COQ6: variants seen among roughly 807,000 people sequenced by gnomAD.
The protein encoded by COQ6 is coenzyme Q6, monooxygenase.
COQ6 carries 45 observed loss-of-function variants against 55.5 expected under a neutral mutation model. The ratio of observed to expected loss-of-function variants is 0.81; its 90% CI spans 0.64 to 1.04. COQ6 has a LOEUF of 1.04. COQ6 is among the 50% of genes least tolerant of loss of function. The pLI is 0.00. For missense variants in COQ6, 550 were observed against 601.3 expected (o/e 0.91, Z 0.89); for synonymous variants, 206 against 230.5 (o/e 0.89, Z 0.96).
chr14:73,963,143 G>A lies in COQ6; in HGVS notation c.*144G>A. On this transcript the variant is annotated 3_prime_UTR_variant, in exon 12 of 12. Transcript: ENST00000334571. ...TTTTTCTTCTTTGCTTAATGGGCCT[G>A]TGGCACCCAAATAATGAATGATAAT... 1 of 760,370 alleles carries A rather than the reference G, an allele frequency of 1.3e-6. No individual in the cohort carries two copies. Among genetic ancestry groups the A allele is most frequent in the Non-Finnish European group, 2.3e-6 (1 of 432,264 alleles). The allele number at this position is 760,370 out of a possible 1,614,324, so 47.1% of individuals were successfully genotyped here.
At chr14:73,953,803 A>G (rs1354635720) in intron 2 of COQ6, 4 of 596,676 alleles carry the variant, frequency 6.7e-6, no homozygotes, top group African/African-American at 3.7e-5. Context: ...TGGGTCCATC[A>G]TGTTGACTTC....
chr14:73,963,381 A>G lies in COQ6; in HGVS notation c.*382A>G. 3.0e-6 allele frequency: 1 copy of G among 334,926 alleles called. No individual in the cohort carries two copies. The highest frequency in any genetic ancestry group is 5.4e-6 in the Non-Finnish European group (1 of 185,374). The allele number at this position is 334,926 out of a possible 1,614,324, so 20.7% of individuals were successfully genotyped here. A position where few individuals can be genotyped will look rare whatever the true frequency, so the allele number is the denominator to read the frequency against. ...ACAGTTGTTTTTTGATAGAGGTAAG[A>G]ATTAGACTCGATGCATTTTTGTTAG... On this transcript the variant is annotated 3_prime_UTR_variant, in exon 12 of 12. Coordinates refer to ENST00000334571, the MANE Select transcript of COQ6 (RefSeq NM_182476.3).
At chr14:73,956,016 G>A (rs769757330) in intron 4 of COQ6, 88 bp downstream of exon 4, 2 of 1,579,330 alleles carry the variant, frequency 1.3e-6, no homozygotes, top group South Asian at 2.2e-5. Flanking sequence ...ACAATATTCA[G>A]TGTCCACCAT....
At position 73,963,273 on chromosome 14, in the gene COQ6, GCTGTCT is replaced by G; in HGVS notation, c.*276_*281del. The G allele has an allele frequency of 1.8e-6, 1 of 541,024 alleles. No individual in the cohort carries two copies. Among genetic ancestry groups the G allele is most frequent in the Non-Finnish European group, 3.2e-6 (1 of 308,160 alleles). 33.5% of individuals were successfully genotyped at this position (541,024 alleles called of 1,614,324 possible). On this transcript the variant is annotated 3_prime_UTR_variant, in exon 12 of 12. Coordinates refer to ENST00000334571, the MANE Select transcript of COQ6 (RefSeq NM_182476.3). ...TTTATTACTAAAAAACCCACAAGGT[GCTGTCT>G]CACTCATTTCCAGTTAATCATTTCT...
In COQ6 at chr14:73,961,328, G is replaced by A. The variant is rs756757135; in HGVS notation, c.1047G>A (p.Gly349=). 2.5e-6 allele frequency: 4 copies of A among 1,614,200 alleles called. No homozygotes were observed. The highest frequency in any genetic ancestry group is 3.4e-6 in the Non-Finnish European group (4 of 1,180,036). The change falls in exon 9 of 12, where the codon GGG becomes GGA. Residue 349 remains glycine (G), a synonymous_variant. Transcript: ENST00000334571. ...AAAGCCGAGTTCTGTTTCCTCTTGG[G>A]TTGGGACATGCTGCTGAGTACGTCA... ...DAKSRVLFPL[G]LGHAAEYVRP... is the part of the protein sequence containing the mutation.
upstream of COQ6, chr14:73,950,133 G>C: frequency 6.3e-7 from 1 of 1,598,316 alleles, no homozygotes; most frequent in Non-Finnish European, 8.5e-7. Context: ...TTTGGCGTCT[G>C]GTTGGCTTCC....
intron 1 of COQ6, among the ~76,000 whole-genome samples, chr14:73,953,156 AG>A (rs2056266624): frequency 1.3e-5 from 2 of 152,078 alleles, no homozygotes; most frequent in Non-Finnish European, 2.9e-5. Flanking sequence ...TTTCCTTTCT[AG>A]GGCATTCTGT....
At position 73,953,833 on chromosome 14, in the gene COQ6, T is replaced by C. The variant is rs1594788496; in HGVS notation, c.298+264T>C. ...GACTTCACTTGTGATGTTGTGTCAT[T>C]ATGAATTGGTGGAACTGAAATCATA... On this transcript the variant is annotated intron_variant, in intron 2 of 11. Transcript: ENST00000334571. 10 of 551,674 alleles carry C rather than the reference T, an allele frequency of 1.8e-5. No homozygotes were observed. In the South Asian group the frequency reaches 2.0e-4, roughly 11 times the overall value. The allele number at this position is 551,674 out of a possible 1,614,324, so 34.2% of individuals were successfully genotyped here.
At position 73,961,262 on chromosome 14, in the gene COQ6, G is replaced by T. The variant is rs372375956; in HGVS notation, c.981G>T (p.Ser327=). Residue 327 remains serine, a synonymous_variant, in exon 9 of 12, where the codon TCG becomes TCT. Coordinates refer to ENST00000334571, the MANE Select transcript of COQ6 (RefSeq NM_182476.3). ...AVSLLKPTKV[S]ARQLPPSVAR... is the part of the protein sequence containing the mutation. Reference sequence around the variant, plus strand: ...GCCTTCTGAAGCCCACTAAGGTCTCGGCTCGCCAGCTGCCCCCAAGCGTAG... The same window carrying T: ...GCCTTCTGAAGCCCACTAAGGTCTCTGCTCGCCAGCTGCCCCCAAGCGTAG... The T allele has an allele frequency of 6.2e-7, 1 of 1,614,130 alleles. No homozygotes were observed. The highest frequency in any genetic ancestry group is 8.5e-7 in the Non-Finnish European group (1 of 1,180,018).
chr14:73,957,212 C>T (rs1391890629), intron 4 of COQ6, among the ~76,000 whole-genome samples: 1 of 152,028 alleles, frequency 6.6e-6, no homozygotes, highest in Admixed American at 6.6e-5. Context: ...ATTCTCCTGC[C>T]TCAGCCTCTG....
chr14:73,961,163 TG>T lies in COQ6; in HGVS notation c.892-9del, dbSNP rs751572559. On this transcript the variant is annotated splice_polypyrimidine_tract_variant and intron_variant, in intron 8 of 11. Coordinates refer to ENST00000334571, the MANE Select transcript of COQ6 (RefSeq NM_182476.3). ...TTCACCTTGTTTGTCTTGTGGCTGATGCTGCTCAGTGGAGTGATGCTGACCA... is the reference window on the plus strand; with the variant it reads ...TTCACCTTGTTTGTCTTGTGGCTGATCTGCTCAGTGGAGTGATGCTGACCA... The T allele has an allele frequency of 1.9e-6, 3 of 1,612,902 alleles. No individual in the cohort carries two copies. The highest frequency in any genetic ancestry group is 2.5e-6 in the Non-Finnish European group (3 of 1,179,638).
At chr14:73,960,522 T>A in intron 8 of COQ6, 1 of 996,392 alleles carries the variant, frequency 1.0e-6, no homozygotes, top group Non-Finnish European at 1.2e-6. Context: ...AGATAAATGG[T>A]GAACACTACC....
chr14:73,958,387 T>G (rs760295158), intron 5 of COQ6, 110 bp downstream of exon 5: 1 of 1,567,220 alleles, frequency 6.4e-7, no homozygotes, highest in Non-Finnish European at 8.7e-7. Flanking sequence ...AGGCAAAACT[T>G]TTGGTTATGA....
intron 2 of COQ6, 44 bp from the exon 3 acceptor site, chr14:73,955,407 G>C (rs768168521): frequency 6.6e-7 from 1 of 1,507,314 alleles, no homozygotes; most frequent in Non-Finnish European, 9.2e-7. Context: ...GGGAGCCCAG[G>C]TCCTTGTGAA....
chr14:73,961,529 C>G lies in COQ6; in HGVS notation c.1169C>G (p.Ala390Gly). The change falls in exon 10 of 12, where the codon GCC becomes GGC. Residue 390 changes from alanine (A) to glycine (G), a missense_variant. Physicochemically the swap from Ala to Gly is moderately conservative, Grantham distance 60. Transcript: ENST00000334571. ...GGCTTTGGGGATATCTCCAGCTTGG[C>G]CCATCACCTCAGTACGGCAGCCTTC... ...NMGFGDISSLAHHLSTAAFNG... is the reference protein window; with the variant it reads ...NMGFGDISSLGHHLSTAAFNG... 1 of 1,614,150 alleles carries G rather than the reference C, an allele frequency of 6.2e-7. No individual in the cohort carries two copies. Among genetic ancestry groups the G allele is most frequent in the Non-Finnish European group, 8.5e-7 (1 of 1,180,022 alleles).
intron 8 of COQ6, chr14:73,960,153 A>AT: frequency 1.0e-6 from 1 of 988,526 alleles, no homozygotes; most frequent in Non-Finnish European, 1.2e-6. Context: ...TTCAAGCCTG[A>AT]TTCATTGAAA....
Position 73,962,991 on chromosome 14 carries a change from A to G in COQ6, c.1399A>G (p.Ser467Gly). Residue 467 changes from serine to glycine, a missense_variant, in exon 12 of 12, where the codon AGC (serine) becomes GGC (glycine). Coordinates refer to ENST00000334571, the MANE Select transcript of COQ6 (RefSeq NM_182476.3). ...PLKEQIMAFA[S>G]K ...CCAGGAACAGATTATGGCCTTTGCA[A>G]GCAAATGAGTACTCCTCTCCTAAAG... The G allele has an allele frequency of 6.2e-7, 1 of 1,609,372 alleles. No individual in the cohort carries two copies. The highest frequency in any genetic ancestry group is 8.5e-7 in the Non-Finnish European group (1 of 1,175,710).
Position 73,950,306 on chromosome 14 carries a change from C to G in COQ6, c.-27C>G, listed in dbSNP as rs759734010. 2.0e-5 allele frequency: 31 copies of G among 1,544,048 alleles called. No homozygotes were observed. Among genetic ancestry groups the G allele is most frequent in the Non-Finnish European group, 2.7e-5 (31 of 1,148,432 alleles). Reference sequence around the variant, plus strand: ...CTACGTAGGTGGGCCTGCGGGAGTTCTGAGTGCGACGGCGCAGGTCTGCAC... The same window carrying G: ...CTACGTAGGTGGGCCTGCGGGAGTTGTGAGTGCGACGGCGCAGGTCTGCAC... On this transcript the variant is annotated 5_prime_UTR_variant, in exon 1 of 12. Transcript: ENST00000334571.
In COQ6 at chr14:73,959,094, G is replaced by T; in HGVS notation, c.720+16G>T. On this transcript the variant is annotated intron_variant, in intron 6 of 11. Transcript: ENST00000334571. ...TTTATCAGAGGTAAGATCCTGAGCTGCCATCTGGGGACTTTATTCATAGGC... is the reference window on the plus strand; with the variant it reads ...TTTATCAGAGGTAAGATCCTGAGCTTCCATCTGGGGACTTTATTCATAGGC... 6.2e-7 allele frequency: 1 copy of T among 1,614,172 alleles called. No homozygotes were observed. Among genetic ancestry groups the T allele is most frequent in the Non-Finnish European group, 8.5e-7 (1 of 1,180,010 alleles).
Sources: gnomAD v4.1 joint callset for allele counts (sites outside exome capture counted in the v4.1 genomes callset) on GRCh38, gnomAD v4.1.1 for gene constraint, MANE v1.5 for transcripts, NCBI Gene and HGNC (gene_info 2026-07-23, HGNC 2026-07-21) for gene names.